Variants in GPATCH2L observed in about 807,000 individuals in gnomAD.
The protein encoded by GPATCH2L is G patch domain-containing protein 2-like.
In GPATCH2L, 31 loss-of-function variants were observed where a neutral mutation model predicts 57.4. That is an observed-to-expected ratio of 0.54 (90% CI 0.41 to 0.73). The LOEUF (loss-of-function observed/expected upper bound fraction) is 0.73, where lower values mean the gene tolerates loss of function less well. Ranked by LOEUF, GPATCH2L falls within the 30% of genes least tolerant of loss-of-function variation. The pLI, the probability that GPATCH2L is intolerant of heterozygous loss-of-function variation, is 0.00. For missense variants in GPATCH2L, 481 were observed against 599.9 expected, an observed-to-expected ratio of 0.80 and a Z score of 2.07; for synonymous variants, 199 against 210.7, an observed-to-expected ratio of 0.94 and a Z score of 0.48.
rs1288846976 is a variant in GPATCH2L at position 76,210,904 on chromosome 14, G to A, written c.*9053G>A. On this transcript the variant is annotated 3_prime_UTR_variant, in exon 10 of 10. Coordinates refer to ENST00000261530, the MANE Select transcript of GPATCH2L (RefSeq NM_017926.4). ...CTCTGCTAGGAGCTGGGTATACAGA[G>A]AAGAAAGGCATTCCTGCTCTCATGA... 1 of 152,208 alleles carries A rather than the reference G, an allele frequency of 6.6e-6. No individual in the cohort carries two copies. The highest frequency in any genetic ancestry group is 1.9e-4 in the East Asian group (1 of 5,194). The allele number at this position is 152,208 out of a possible 1,614,324, so 9.4% of individuals were successfully genotyped here.
At chr14:76,217,812 A>G (rs1173252438), downstream of GPATCH2L, among the ~76,000 whole-genome samples, 2 of 152,184 alleles carry the variant, frequency 1.3e-5, no homozygotes, top group East Asian at 1.9e-4. Context: ...AAGATGCTCA[A>G]CTTTCCATAT....
rs1344491042 is a variant in GPATCH2L, at chr14:76,178,237, G to T, written c.1107+195G>T. 9.3e-6 allele frequency: 14 copies of T among 1,505,544 alleles called. 2 individuals are homozygous for T. In the South Asian group the frequency reaches 1.7e-4, roughly 18 times the overall value. 93.3% of individuals were successfully genotyped at this position (1,505,544 alleles called of 1,614,324 possible). A position where few individuals can be genotyped will look rare whatever the true frequency, so the allele number is the denominator to read the frequency against. The stretch of plus-strand genomic sequence containing the variant: ...GAACTTTGCAGTAAGAAAGCAGAAT[G>T]AATCTGATTTGCATATGGTTTAGTT... On this transcript the variant is annotated intron_variant, in intron 7 of 9. Coordinates refer to ENST00000261530, the MANE Select transcript of GPATCH2L (RefSeq NM_017926.4).
At chr14:76,231,981 G>GCAGCCTCACTGCAGCCTCACTC (rs2040568342) in intron 2 of GPATCH2L, among the ~76,000 whole-genome samples, 1 of 152,052 alleles carries the variant, frequency 6.6e-6, no homozygotes, top group Non-Finnish European at 1.5e-5. Context: ...CAGCCTCACT[G>GCAGCCTCACTGCAGCCTCACTC]CAGCCTCACT....
At chr14:76,217,696 A>G (rs962610375), downstream of GPATCH2L, among the ~76,000 whole-genome samples, 3 of 152,136 alleles carry the variant, frequency 2.0e-5, no homozygotes, top group Admixed American at 6.6e-5. Context: ...AAAGGCTAAT[A>G]CTCCTAATTT....
At chr14:76,192,677 G>T (rs908798627) in intron 8 of GPATCH2L, among the ~76,000 whole-genome samples, 1 of 152,124 alleles carries the variant, frequency 6.6e-6, no homozygotes, top group Non-Finnish European at 1.5e-5. Context: ...TTAGTACAGT[G>T]CTTGGCAAGA....
chr14:76,184,370 G>A (rs919174591), intron 8 of GPATCH2L, among the ~76,000 whole-genome samples: 18 of 151,826 alleles, frequency 1.2e-4, no homozygotes, highest in African/African-American at 4.1e-4. Flanking sequence ...CTCCTGTCAG[G>A]TTACTGAGCT....
At chr14:76,196,187 G>C in intron 9 of GPATCH2L, 1 of 674,748 alleles carries the variant, frequency 1.5e-6, no homozygotes, top group South Asian at 1.6e-5. Context: ...TCTAGAGTTT[G>C]AAACCCTATA....
intron 2 of GPATCH2L, among the ~76,000 whole-genome samples, chr14:76,166,304 G>A (rs1237392921): frequency 3.9e-5 from 6 of 152,174 alleles, no homozygotes; most frequent in Admixed American, 6.5e-5. Flanking sequence ...GAAACTGATA[G>A]TTGGCAATAT....
intron 1 of GPATCH2L, among the ~76,000 whole-genome samples, chr14:76,229,292 A>G (rs1178303564): frequency 1.3e-5 from 2 of 152,304 alleles, no homozygotes; most frequent in East Asian, 3.9e-4. Flanking sequence ...CAGGCCATGC[A>G]TTCACTGTTT....
chr14:76,156,078 A>T (rs540379048), intron 2 of GPATCH2L, among the ~76,000 whole-genome samples: 1 of 152,326 alleles, frequency 6.6e-6, no homozygotes, highest in Admixed American at 6.5e-5. Flanking sequence ...GGATACCACT[A>T]TTTGTATTTA....
intron 2 of GPATCH2L, among the ~76,000 whole-genome samples, chr14:76,161,851 T>C (rs1272063806): frequency 6.6e-5 from 10 of 152,030 alleles, no homozygotes; most frequent in Non-Finnish European, 1.5e-5. Context: ...GCCTGACCAA[T>C]GTGGTGAAAC....
chr14:76,180,694 G>A, intron 7 of GPATCH2L, 70 bp from the exon 8 acceptor site: 1 of 957,958 alleles, frequency 1.0e-6, no homozygotes, highest in Non-Finnish European at 1.7e-6. Flanking sequence ...GTAATCAAAT[G>A]TAGGTTACCC....
chr14:76,170,361 G>A (rs1176645753), intron 3 of GPATCH2L, among the ~76,000 whole-genome samples: 3 of 152,164 alleles, frequency 2.0e-5, no homozygotes, highest in Non-Finnish European at 4.4e-5. Flanking sequence ...CAAGGGGTAT[G>A]TGGTGGCAGA....
chr14:76,232,007 G>GCAGGCTCACTGCAGCCTCACTGCAGC, intron 2 of GPATCH2L, among the ~76,000 whole-genome samples: 4 of 78,308 alleles, frequency 5.1e-5, no homozygotes, highest in African/African-American at 1.7e-4. Context: ...CTCACTGCAG[G>GCAGGCTCACTGCAGCCTCACTGCAGC]CTCAAGCAAT....
At chr14:76,229,781 CTGTCCTGAA>C (rs952429353) in intron 1 of GPATCH2L, 3 of 152,194 alleles carry the variant, frequency 2.0e-5, no homozygotes, top group African/African-American at 7.2e-5. Flanking sequence ...GTGGGACTCA[CTGTCCTGAA>C]CTTTCAATCT....
chr14:76,182,662 C>T (rs1240669323), intron 8 of GPATCH2L, among the ~76,000 whole-genome samples: 1 of 151,590 alleles, frequency 6.6e-6, no homozygotes, highest in African/African-American at 2.4e-5. Flanking sequence ...AAGGCCTTTC[C>T]TTCAGTAGCA....
intron 1 of GPATCH2L, among the ~76,000 whole-genome samples, chr14:76,229,268 T>C (rs1815491498): frequency 6.6e-6 from 1 of 152,240 alleles, no homozygotes. Context: ...TACATGCTGC[T>C]CTTGCTGTCA....
At chr14:76,201,524 C>CT (rs2040310068) in intron 9 of GPATCH2L, among the ~76,000 whole-genome samples, 167 bp from the exon 10 acceptor site, 1 of 152,140 alleles carries the variant, frequency 6.6e-6, no homozygotes, top group Non-Finnish European at 1.5e-5. Context: ...CTTGTCTTTA[C>CT]TTTTTTGTAG....
In GPATCH2L at chr14:76,182,363, GAAAAA is replaced by G. The variant is rs3059799; in HGVS notation, c.1193+1531_1193+1535del. 1.9e-4 allele frequency among the ~76,000 whole-genome samples: 16 copies of G among 85,638 alleles called. No individual in the cohort carries two copies. In the South Asian group the frequency reaches 4.9e-3, roughly 26 times the overall value. The allele number at this position is 85,638 out of a possible 152,430, so 56.2% of individuals were successfully genotyped here. A position where few individuals can be genotyped will look rare whatever the true frequency, so the allele number is the denominator to read the frequency against. On this transcript the variant is annotated intron_variant, in intron 8 of 9. Transcript: ENST00000261530. ...CAGAGCGAGACCCCGTCTCAGAAAA[GAAAAA>G]AAAAAAAAAAAAAAAAGAATGTTGA...
Sources: allele counts gnomAD v4.1 joint callset (sites outside exome capture counted in the v4.1 genomes callset), GRCh38; gene constraint gnomAD v4.1.1; transcripts MANE v1.5; gene names NCBI Gene and HGNC (gene_info 2026-07-23, HGNC 2026-07-21).